Variants in ATG7 observed in about 807,000 individuals in gnomAD.
ATG7 encodes autophagy related 7, also known as ubiquitin-like modifier-activating enzyme ATG7.
ATG7 carries 70 observed loss-of-function variants against 82.4 expected under a neutral mutation model. The ratio of observed to expected loss-of-function variants is 0.85; its 90% CI spans 0.70 to 1.04. The LOEUF is 1.04. Ranked by LOEUF, ATG7 falls within the 50% of genes least tolerant of loss-of-function variation. The pLI, the probability that ATG7 is intolerant of heterozygous loss-of-function variation, is 0.00. For synonymous variants in ATG7, 287 were observed against 313.0 expected (o/e 0.92, Z 0.88); for missense variants, 792 against 864.3 (o/e 0.92, Z 1.05).
At chr3:11,351,891 G>A (rs994722524) in intron 14 of ATG7, among the ~76,000 whole-genome samples, 26 of 148,908 alleles carry the variant, frequency 1.7e-4, no homozygotes, top group Non-Finnish European at 3.4e-4. Flanking sequence ...TAGGGTACAT[G>A]TGCACAACAT....
In ATG7 at chr3:11,358,402, C is replaced by T; in HGVS notation, c.1285-16C>T. ...ACCATTGCTCCAGACATAACTACGT[C>T]CTGGTGTTTCCCTAGAATGCCAGAG... On this transcript the variant is annotated splice_polypyrimidine_tract_variant and intron_variant, in intron 14 of 20. Transcript: ENST00000693202. 1.2e-6 allele frequency: 2 copies of T among 1,607,280 alleles called. No individual in the cohort carries two copies. The highest frequency in any genetic ancestry group is 2.2e-5 in the South Asian group (2 of 90,002).
chr3:11,549,783 G>A (rs1046549558), intron 20 of ATG7, among the ~76,000 whole-genome samples: 1 of 152,126 alleles, frequency 6.6e-6, no homozygotes, highest in African/African-American at 2.4e-5. Flanking sequence ...CATGGTGAGC[G>A]CACACTTAAA....
chr3:11,454,940 A>G (rs1182357771), intron 20 of ATG7, among the ~76,000 whole-genome samples: 2 of 152,194 alleles, frequency 1.3e-5, no homozygotes, highest in African/African-American at 4.8e-5. Context: ...CAGAAGCTCT[A>G]TTTTTGAGGG....
At chr3:11,411,326 A>G (rs897377097) in intron 19 of ATG7, among the ~76,000 whole-genome samples, 5 of 152,096 alleles carry the variant, frequency 3.3e-5, no homozygotes, top group African/African-American at 1.2e-4. Context: ...TATGTTCTGT[A>G]TATTAATTTC....
chr3:11,383,681 C>G (rs2078092961), intron 19 of ATG7, among the ~76,000 whole-genome samples: 1 of 152,172 alleles, frequency 6.6e-6, no homozygotes, highest in Non-Finnish European at 1.5e-5. Flanking sequence ...AACTGCTGAC[C>G]TCGTGATCCG....
rs567361614 is a variant in ATG7 at position 11,299,561 on chromosome 3, T to C, written c.215+145T>C. 15 of 756,046 alleles carry C rather than the reference T, an allele frequency of 2.0e-5. No homozygotes were observed. The East Asian group carries it at 4.0e-4, about 20-fold the overall frequency. 46.8% of individuals were successfully genotyped at this position (756,046 alleles called of 1,614,324 possible). ...GTCAGCCCCCCTCATGATTCTCTTA[T>C]ACCTCCCATAGAGATGAGTGCTGGA... is the stretch of plus-strand genomic sequence containing the variant. On this transcript the variant is annotated intron_variant, in intron 5 of 20. Transcript: ENST00000693202.
intron 20 of ATG7, among the ~76,000 whole-genome samples, chr3:11,473,833 C>T (rs1451526423): frequency 6.6e-6 from 1 of 152,192 alleles, no homozygotes; most frequent in Admixed American, 6.5e-5. Context: ...TACCAATTCA[C>T]TATTTGGTTA....
At chr3:11,530,449 A>G (rs554148019) in intron 20 of ATG7, among the ~76,000 whole-genome samples, 2 of 152,192 alleles carry the variant, frequency 1.3e-5, no homozygotes, top group Non-Finnish European at 2.9e-5. Flanking sequence ...CAGTTTTGAG[A>G]AACTTGGATG....
intron 20 of ATG7, among the ~76,000 whole-genome samples, chr3:11,513,804 C>T (rs2092170094): frequency 6.6e-6 from 1 of 152,184 alleles, no homozygotes; most frequent in Admixed American, 6.5e-5. Flanking sequence ...GCTGTCACCT[C>T]TCACTTGGAG....
chr3:11,350,050 A>G (rs1575618581), intron 14 of ATG7, among the ~76,000 whole-genome samples: 1 of 152,340 alleles, frequency 6.6e-6, no homozygotes, highest in Non-Finnish European at 1.5e-5. Flanking sequence ...AAAGTGCCAG[A>G]AGAGGTTCTC....
In ATG7 at chr3:11,358,479, T is replaced by C. The variant is rs1458124360; in HGVS notation, c.1346T>C (p.Val449Ala). ...GGGCATCCAGTGAACTTCTCCAGTG[T>C]CACTCTGGAGCAAGCCCGCAGAGAT... is the stretch of plus-strand genomic sequence containing the variant. ...MPGHPVNFSS[V>A]TLEQARRDVE... The change falls in exon 15 of 21, where the codon GTC becomes GCC. Residue 449 changes from valine (V) to alanine (A), a missense_variant. Transcript: ENST00000693202. The C allele has an allele frequency of 6.2e-7, 1 of 1,614,126 alleles. No individual in the cohort carries two copies. The highest frequency in any genetic ancestry group is 1.1e-5 in the South Asian group (1 of 91,078).
Position 11,469,988 on chromosome 3 carries a change from CAAAA to C in ATG7, c.2079+43080_2079+43083del, listed in dbSNP as rs10628540. Among the ~76,000 whole-genome samples, 9 of 87,542 alleles carry C rather than the reference CAAAA, an allele frequency of 1.0e-4. No individual in the cohort carries two copies. The South Asian group carries it at 1.1e-3, about 10-fold the overall frequency. The allele number at this position is 87,542 out of a possible 152,430, so 57.4% of individuals were successfully genotyped here. On this transcript the variant is annotated intron_variant, in intron 20 of 20. Coordinates refer to ENST00000693202, the MANE Select transcript of ATG7 (RefSeq NM_001349232.2). ...TGGGTGACGGAACGAGACTCCATCT[CAAAA>C]AAAAAAAAAAAAAAAAAGAGAGAGA...
At chr3:11,316,355 C>T (rs1360065078) in intron 9 of ATG7, among the ~76,000 whole-genome samples, 1 of 152,188 alleles carries the variant, frequency 6.6e-6, no homozygotes, top group Admixed American at 6.5e-5. Context: ...AATCTCCATC[C>T]CCTTCCCGTC....
chr3:11,399,030 T>C (rs2079560150), intron 19 of ATG7, among the ~76,000 whole-genome samples: 1 of 152,146 alleles, frequency 6.6e-6, no homozygotes. Flanking sequence ...AAGATTAACA[T>C]GTATCTTAGC....
At chr3:11,381,203 A>G (rs559571566) in intron 19 of ATG7, among the ~76,000 whole-genome samples, 1 of 152,328 alleles carries the variant, frequency 6.6e-6, no homozygotes, top group East Asian at 1.9e-4. Context: ...CCTTTAAGAT[A>G]TATCTGCTCA....
chr3:11,447,660 G>A (rs891851766), intron 20 of ATG7, among the ~76,000 whole-genome samples: 8 of 152,102 alleles, frequency 5.3e-5, no homozygotes, highest in Non-Finnish European at 7.4e-5. Context: ...ACATGGACTC[G>A]GGCAGTTCCA....
At chr3:11,320,610 TGA>T (rs1159340925) in intron 9 of ATG7, among the ~76,000 whole-genome samples, 1 of 152,162 alleles carries the variant, frequency 6.6e-6, no homozygotes, top group Admixed American at 6.5e-5. Flanking sequence ...TTTTCTTGAG[TGA>T]TCTTTGATTA....
chr3:11,536,818 T>G (rs2070347498), intron 20 of ATG7, among the ~76,000 whole-genome samples: 1 of 152,186 alleles, frequency 6.6e-6, no homozygotes, highest in Non-Finnish European at 1.5e-5. Context: ...TGAGCCTCCA[T>G]CTTCCCTTCA....
intron 18 of ATG7, 99 bp downstream of exon 18, chr3:11,364,833 C>T: frequency 1.6e-6 from 2 of 1,216,994 alleles, no homozygotes; most frequent in Admixed American, 2.0e-5. Flanking sequence ...TTCATATCCA[C>T]CCTACTTACC....
Sources: allele counts gnomAD v4.1 joint callset (sites outside exome capture counted in the v4.1 genomes callset), GRCh38; gene constraint gnomAD v4.1.1; transcripts MANE v1.5; gene names NCBI Gene and HGNC (gene_info 2026-07-23, HGNC 2026-07-21).